Variants in WDR17 observed in about 807,000 individuals in gnomAD.
The protein encoded by WDR17 is WD repeat-containing protein 17.
WDR17 carries 143 observed loss-of-function variants against 161.7 expected under a neutral mutation model. The ratio of observed to expected loss-of-function variants is 0.88; its 90% CI spans 0.77 to 1.02. The LOEUF is 1.02. WDR17 is among the 50% of genes least tolerant of loss of function. The pLI, the probability that WDR17 is intolerant of heterozygous loss-of-function variation, is 0.00. For missense variants in WDR17, 1,469 were observed against 1,520.9 expected (o/e 0.97, Z 0.57); for synonymous variants, 517 against 515.6 (o/e 1.00, Z -0.04).
chr4:176,173,600 T>C lies in WDR17; in HGVS notation c.3347+231T>C, dbSNP rs185071572. On this transcript the variant is annotated intron_variant, in intron 25 of 28. Coordinates refer to ENST00000508596, the MANE Select transcript of WDR17 (RefSeq NM_181265.4). ...GGCGTGATCTCAGCTCACTGCAAGC[T>C]CCGCCTCCTGGGTTCACACCATTCT... is the stretch of plus-strand genomic sequence containing the variant. Among the ~76,000 whole-genome samples the C allele has an allele frequency of 2.6e-5, 4 of 152,286 alleles. No homozygotes were observed. In the East Asian group the frequency reaches 7.7e-4, roughly 29 times the overall value.
At chr4:176,071,374 G>C (rs1648462470) in intron 1 of WDR17, among the ~76,000 whole-genome samples, 1 of 148,146 alleles carries the variant, frequency 6.8e-6, no homozygotes, top group Admixed American at 6.8e-5. Flanking sequence ...CCAGGCTGGA[G>C]TGCAGTGACA....
In WDR17 at chr4:176,174,820, A is replaced by G. The variant is rs1326241960; in HGVS notation, c.3449+102A>G. ...TACAAAGTATCAAATATATTATTAC[A>G]AGTATCCATCTATTTACTCAGCGTG... On this transcript the variant is annotated intron_variant, in intron 26 of 28. Transcript: ENST00000508596. The G allele has an allele frequency of 6.3e-6, 4 of 639,908 alleles. No homozygotes were observed. In the Admixed American group the frequency reaches 1.1e-4, roughly 18 times the overall value. The allele number at this position is 639,908 out of a possible 1,614,324, so 39.6% of individuals were successfully genotyped here. A position where few individuals can be genotyped will look rare whatever the true frequency, so the allele number is the denominator to read the frequency against.
rs1410860762 is a variant in WDR17, at chr4:176,149,905, C to G, written c.1996C>G (p.Gln666Glu). 1 of 1,613,772 alleles carries G rather than the reference C, an allele frequency of 6.2e-7. No homozygotes were observed. The highest frequency in any genetic ancestry group is 2.2e-5 in the East Asian group (1 of 44,878). Residue 666 changes from glutamine (Q) to glutamate (E), a missense_variant, in exon 14 of 29, where the codon CAA becomes GAA. Gln to Glu is a conservative substitution (Grantham distance 29). Transcript: ENST00000508596. ...ATTAACAGCCTTAGTCACTCCTGTA[C>G]AAATAAATATTCTGGCAGACAGATC... ...WSLTALVTPVQINILADRSWE... is the reference protein window; with the variant it reads ...WSLTALVTPVEINILADRSWE...
At chr4:176,177,434 C>T (rs771589685) in intron 27 of WDR17, 37 bp from the exon 28 acceptor site, 30 of 1,483,354 alleles carry the variant, frequency 2.0e-5, no homozygotes, top group Non-Finnish European at 2.4e-5. Flanking sequence ...TTCTGTGATT[C>T]GACAAAATGA....
chr4:176,155,433 T>C (rs1035556668), intron 17 of WDR17, among the ~76,000 whole-genome samples: 1 of 151,860 alleles, frequency 6.6e-6, no homozygotes, highest in Admixed American at 6.5e-5. Context: ...AAGATACTTT[T>C]GTAAGTGATG....
intron 4 of WDR17, among the ~76,000 whole-genome samples, chr4:176,122,989 A>G (rs1741849720): frequency 6.6e-6 from 1 of 152,048 alleles, no homozygotes; most frequent in African/African-American, 2.4e-5. Context: ...TATTTACTGG[A>G]TTTTCTTGTA....
intron 1 of WDR17, among the ~76,000 whole-genome samples, chr4:176,092,353 T>C (rs1736237331): frequency 7.4e-6 from 1 of 135,336 alleles, no homozygotes; most frequent in African/African-American, 2.5e-5. Flanking sequence ...CATATGATCA[T>C]TTCAATTGAT....
At chr4:176,115,001 G>A (rs999214680) in intron 2 of WDR17, among the ~76,000 whole-genome samples, 4 of 151,926 alleles carry the variant, frequency 2.6e-5, no homozygotes, top group East Asian at 1.9e-4. Context: ...AGATTCAATC[G>A]TGTAGAGATT....
intron 22 of WDR17, among the ~76,000 whole-genome samples, chr4:176,164,555 A>T (rs145734119): frequency 1.3e-4 from 20 of 152,192 alleles, no homozygotes; most frequent in African/African-American, 4.6e-4. Flanking sequence ...TATTATGTAT[A>T]TGCAAATATT....
At chr4:176,097,758 C>G (rs1737133402) in intron 1 of WDR17, among the ~76,000 whole-genome samples, 1 of 151,332 alleles carries the variant, frequency 6.6e-6, no homozygotes, top group African/African-American at 2.4e-5. Context: ...CACACACACA[C>G]ACACACACAC....
chr4:176,177,769 C>T (rs1579279937), intron 28 of WDR17, 115 bp downstream of exon 28: 5 of 1,038,436 alleles, frequency 4.8e-6, no homozygotes, highest in African/African-American at 1.7e-5. Flanking sequence ...GGACTGGGGT[C>T]CAGTAAGGAA....
Position 176,142,561 on chromosome 4 carries a change from G to C in WDR17, c.1529+492G>C, listed in dbSNP as rs571482935. Among the ~76,000 whole-genome samples the C allele has an allele frequency of 2.0e-4, 31 of 152,298 alleles. No individual in the cohort carries two copies. In the South Asian group the frequency reaches 6.2e-3, roughly 31 times the overall value. On this transcript the variant is annotated intron_variant, in intron 11 of 28. Coordinates refer to ENST00000508596, the MANE Select transcript of WDR17 (RefSeq NM_181265.4). ...TGTTTGACAGCCAAGTATTTATCAT[G>C]TAAAAATCAGCTTAGATTTAAAATT... is the stretch of plus-strand genomic sequence containing the variant.
At chr4:176,066,940 C>T (rs749593802) in intron 1 of WDR17, among the ~76,000 whole-genome samples, 6 of 152,136 alleles carry the variant, frequency 3.9e-5, no homozygotes, top group Non-Finnish European at 8.8e-5. Context: ...ACTCTAATAA[C>T]ATTTCTGCGT....
In WDR17 at chr4:176,120,160, T is replaced by A. The variant is rs921489921; in HGVS notation, c.538+63T>A. 48 of 1,329,102 alleles carry A rather than the reference T, an allele frequency of 3.6e-5. No homozygotes were observed. In the African/African-American group the frequency reaches 6.3e-4, roughly 17 times the overall value. The allele number at this position is 1,329,102 out of a possible 1,614,324, so 82.3% of individuals were successfully genotyped here. ...TTTTTCTTATATATAATTTTGTACT[T>A]GCTTGGTCTTTCTAGTGACCAGTCC... On this transcript the variant is annotated intron_variant, in intron 4 of 28. Transcript: ENST00000508596.
intron 8 of WDR17, among the ~76,000 whole-genome samples, chr4:176,135,569 G>A (rs1744274773): frequency 6.6e-6 from 1 of 151,462 alleles, no homozygotes. Context: ...TATGCCTTTA[G>A]AAGTATAATA....
chr4:176,079,820 G>T (rs1285405296), intron 1 of WDR17, among the ~76,000 whole-genome samples: 1 of 152,046 alleles, frequency 6.6e-6, no homozygotes, highest in Admixed American at 6.6e-5. Context: ...GAGTCCAAAG[G>T]CAGTACAGGT....
Position 176,172,516 on chromosome 4 carries a change from G to C in WDR17, c.3244G>C (p.Glu1082Gln), listed in dbSNP as rs1241297810. The change falls in exon 24 of 29, where the codon GAA becomes CAA. Residue 1082 changes from glutamate (E) to glutamine (Q), a missense_variant and splice_region_variant. Coordinates refer to ENST00000508596, the MANE Select transcript of WDR17 (RefSeq NM_181265.4). ...TCCTATTGGTATTAGCTTTGTTAAA[G>C]GTAAGTAATTAGTTGGTAGTAGAAT... ...ALPIGISFVK[E>Q]YISSSDWTLD... 1.3e-6 allele frequency: 2 copies of C among 1,580,830 alleles called. No individual in the cohort carries two copies. The highest frequency in any genetic ancestry group is 1.7e-6 in the Non-Finnish European group (2 of 1,170,248).
In WDR17 at chr4:176,115,776, A is replaced by G; in HGVS notation, c.124-20A>G. ...TTAAAAAGGAGCACTAAAATATTTT[A>G]TTTATATATTTTGTTTTAGTTGGAT... is the stretch of plus-strand genomic sequence containing the variant. On this transcript the variant is annotated intron_variant, in intron 2 of 28. Coordinates refer to ENST00000508596, the MANE Select transcript of WDR17 (RefSeq NM_181265.4). 6.5e-7 allele frequency: 1 copy of G among 1,538,970 alleles called. No individual in the cohort carries two copies. Among genetic ancestry groups the G allele is most frequent in the Non-Finnish European group, 8.8e-7 (1 of 1,140,178 alleles).
chr4:176,179,592 G>C lies in WDR17; in HGVS notation c.*13G>C. The C allele has an allele frequency of 6.5e-7, 1 of 1,530,450 alleles. No homozygotes were observed. The highest frequency in any genetic ancestry group is 1.3e-5 in the South Asian group (1 of 76,440). 94.8% of individuals were successfully genotyped at this position (1,530,450 alleles called of 1,614,324 possible). On this transcript the variant is annotated 3_prime_UTR_variant, in exon 29 of 29. Coordinates refer to ENST00000508596, the MANE Select transcript of WDR17 (RefSeq NM_181265.4). Reference sequence around the variant, plus strand: ...CAATCCATTCTGATAGAAGATTTTTGTCCATGCTTGATTTTTTTTTTTAAA... The same window carrying C: ...CAATCCATTCTGATAGAAGATTTTTCTCCATGCTTGATTTTTTTTTTTAAA...
Sources: gnomAD v4.1 joint callset for allele counts (sites outside exome capture counted in the v4.1 genomes callset) on GRCh38, gnomAD v4.1.1 for gene constraint, MANE v1.5 for transcripts, NCBI Gene and HGNC (gene_info 2026-07-23, HGNC 2026-07-21) for gene names.